Variants in ABR observed in about 807,000 individuals in gnomAD.
ABR encodes active breakpoint cluster region-related protein.
Under a neutral mutation model 107.2 loss-of-function variants are expected in ABR, and 35 were observed. The observed-to-expected ratio is 0.33, with a 90% CI of 0.25 to 0.43. The LOEUF (loss-of-function observed/expected upper bound fraction) is 0.43, where lower values mean the gene tolerates loss of function less well. Among genes scored for constraint, ABR ranks in the 20% least tolerant of loss-of-function variants. The pLI is 1.00. For synonymous variants in ABR, 498 were observed against 462.0 expected (o/e 1.08, Z -1.00); for missense variants, 815 against 1,115.2 (o/e 0.73, Z 3.83).
At chr17:1,088,381 G>A (rs1180989725) in intron 4 of ABR, among the ~76,000 whole-genome samples, 1 of 150,400 alleles carries the variant, frequency 6.6e-6, no homozygotes, top group Admixed American at 6.6e-5. Context: ...GGAGGGAGCA[G>A]GGGGGGGTAT....
intron 1 of ABR, among the ~76,000 whole-genome samples, chr17:1,172,798 C>G (rs114765076): frequency 0.029 from 4,417 of 152,000 alleles, 231 homozygotes; most frequent in African/African-American, 0.1. Flanking sequence ...CAGCAATGGA[C>G]TTTCTCACAT....
At chr17:1,203,994 G>A (rs181249480) in intron 1 of ABR, among the ~76,000 whole-genome samples, 57 of 152,288 alleles carry the variant, frequency 3.7e-4, no homozygotes, top group African/African-American at 1.3e-3. Context: ...CCCTGGAGCC[G>A]AGGGGAGGGC....
chr17:1,074,349 G>A (rs2035526427), intron 6 of ABR, among the ~76,000 whole-genome samples: 2 of 149,778 alleles, frequency 1.3e-5, no homozygotes. Flanking sequence ...CAGGACCCCA[G>A]AATCACACAG....
upstream of ABR, among the ~76,000 whole-genome samples, chr17:1,184,348 G>C (rs1200909275): frequency 6.6e-6 from 1 of 151,346 alleles, no homozygotes; most frequent in Non-Finnish European, 1.5e-5. Context: ...CCAGCTACTC[G>C]GGAGGCTGAG....
At chr17:1,062,956 G>A (rs1392311056) in intron 10 of ABR, among the ~76,000 whole-genome samples, 1 of 129,024 alleles carries the variant, frequency 7.8e-6, no homozygotes, top group African/African-American at 2.9e-5. Context: ...TCCTCTAGAT[G>A]CTGCTGTTAT....
In ABR at chr17:1,050,727, G is replaced by A; in HGVS notation, c.1562-93C>T. The A allele has an allele frequency of 1.4e-5, 14 of 1,013,622 alleles. No homozygotes were observed. The highest frequency in any genetic ancestry group is 2.3e-4 in the Middle Eastern group (1 of 4,314). The allele number at this position is 1,013,622 out of a possible 1,614,324, so 62.8% of individuals were successfully genotyped here. The stretch of plus-strand genomic sequence containing the variant: ...CAGGATGGAGGGGGACATCGCATCT[G>A]TCCTTTCCAACGTCCCCACGGATGG... On this transcript the variant is annotated intron_variant, in intron 14 of 22. Coordinates refer to ENST00000302538, the MANE Select transcript of ABR (RefSeq NM_021962.5). This position sits in a 1 kb window ranked among gnomAD's most constrained non-coding sequence, Gnocchi z 4.6.
rs1459725627 is a variant in ABR, at chr17:1,100,930, TC to T, written c.247-196del. ...CCTCCGCCTCCCGGGTTCCAGTGAT[TC>T]CCCTGCCTCAGCCTCCCGAGTAGCT... On this transcript the variant is annotated intron_variant, in intron 2 of 22. Transcript: ENST00000302538. 1.8e-5 allele frequency: 11 copies of T among 594,774 alleles called. No homozygotes were observed. In the Admixed American group the frequency reaches 3.1e-4, roughly 17 times the overall value. 36.8% of individuals were successfully genotyped at this position (594,774 alleles called of 1,614,324 possible).
chr17:1,180,137 G>A (rs964251917), upstream of ABR, among the ~76,000 whole-genome samples: 1 of 151,738 alleles, frequency 6.6e-6, no homozygotes, highest in Non-Finnish European at 1.5e-5. Context: ...AGGGGGCAGC[G>A]GGGCTCCGGC....
At chr17:1,096,789 GA>G (rs1174789233) in intron 3 of ABR, among the ~76,000 whole-genome samples, 1 of 147,428 alleles carries the variant, frequency 6.8e-6, no homozygotes, top group African/African-American at 2.5e-5. Context: ...AGAGCTGGGG[GA>G]AGTGGGGGAA....
chr17:1,207,994 C>A (rs946945596), intron 1 of ABR, among the ~76,000 whole-genome samples: 11 of 152,102 alleles, frequency 7.2e-5, no homozygotes, highest in Non-Finnish European at 1.2e-4. Context: ...TGGTCTCAAA[C>A]TCCCGACCTC....
intron 1 of ABR, among the ~76,000 whole-genome samples, chr17:1,139,289 T>C (rs1370213712): frequency 6.6e-6 from 1 of 152,224 alleles, no homozygotes; most frequent in Admixed American, 6.5e-5. Flanking sequence ...TCTCGCTCTG[T>C]CGCCCAGGCT....
At chr17:1,087,728 A>G (rs1411469758) in intron 4 of ABR, among the ~76,000 whole-genome samples, 5 of 152,078 alleles carry the variant, frequency 3.3e-5, no homozygotes. Flanking sequence ...TCTTCCAGGA[A>G]AAGGCTCCTC....
At chr17:1,026,349 C>G (rs1259539885) in intron 16 of ABR, among the ~76,000 whole-genome samples, 1 of 152,256 alleles carries the variant, frequency 6.6e-6, no homozygotes, top group African/African-American at 2.4e-5. Context: ...CCTCCCCGAG[C>G]ACAGCCACGG....
chr17:1,043,862 G>A (rs1486351547), intron 16 of ABR, among the ~76,000 whole-genome samples: 1 of 152,230 alleles, frequency 6.6e-6, no homozygotes, highest in South Asian at 2.1e-4. Flanking sequence ...TGGGGTGGGG[G>A]CTGTCCCCAG....
intron 10 of ABR, among the ~76,000 whole-genome samples, chr17:1,065,010 TGC>T (rs2034550590): frequency 1.2e-5 from 1 of 85,162 alleles, no homozygotes; most frequent in African/African-American, 4.4e-5. Context: ...CTCTAGACAC[TGC>T]TGTTACGTGA....
intron 1 of ABR, among the ~76,000 whole-genome samples, chr17:1,128,462 C>T (rs1223084679): frequency 1.3e-5 from 2 of 152,246 alleles, no homozygotes; most frequent in Admixed American, 1.3e-4. Flanking sequence ...GTGCACCCAG[C>T]AGCTAGTTCA....
chr17:1,221,037 A>G (rs1456275585), intron 1 of ABR, among the ~76,000 whole-genome samples: 2 of 152,206 alleles, frequency 1.3e-5, no homozygotes, highest in African/African-American at 4.8e-5. Flanking sequence ...AATAGATGGC[A>G]TAATAATAAG....
rs1459942574 is a variant in ABR, at chr17:1,090,934, C to T, written c.531+731G>A. Among the ~76,000 whole-genome samples the T allele has an allele frequency of 5.3e-5, 8 of 152,128 alleles. No homozygotes were observed. The East Asian group carries it at 1.5e-3, about 29-fold the overall frequency. ...TGACCTGGGGGTCCTCCAGGGGACACAGCCAGAGATGGGGCAGAGCTGGGG... is the reference window on the plus strand; with the variant it reads ...TGACCTGGGGGTCCTCCAGGGGACATAGCCAGAGATGGGGCAGAGCTGGGG... On this transcript the variant is annotated intron_variant, in intron 4 of 22. Transcript: ENST00000302538.
rs11477288 is a variant in ABR at position 1,029,102 on chromosome 17, C to CAA, written c.1792-15940_1792-15939dup. Among the ~76,000 whole-genome samples the CAA allele has an allele frequency of 1.9e-4, 24 of 126,896 alleles. No homozygotes were observed. The Middle Eastern group carries it at 0.016, about 87-fold the overall frequency. 83.2% of individuals were successfully genotyped at this position (126,896 alleles called of 152,430 possible). A position where few individuals can be genotyped will look rare whatever the true frequency, so the allele number is the denominator to read the frequency against. On this transcript the variant is annotated intron_variant, in intron 16 of 22. Coordinates refer to ENST00000302538, the MANE Select transcript of ABR (RefSeq NM_021962.5). ...TGGTCTACTTGAGTGTGATTTGAGGCAAAAAAAAAAAAAAACAAACAGGGA... is the reference window on the plus strand; with the variant it reads ...TGGTCTACTTGAGTGTGATTTGAGGCAAAAAAAAAAAAAAAAACAAACAGGGA...
Sources: gnomAD v4.1 joint callset for allele counts (sites outside exome capture counted in the v4.1 genomes callset) on GRCh38, gnomAD v4.1.1 for gene constraint, Gnocchi (gnomAD v3.1) non-coding constraint, MANE v1.5 for transcripts, NCBI Gene and HGNC (gene_info 2026-07-23, HGNC 2026-07-21) for gene names.